NCOR1: variants seen among roughly 807,000 people sequenced by gnomAD.
The protein encoded by NCOR1 is nuclear receptor corepressor 1, also known as protein phosphatase 1, regulatory subunit 109.
NCOR1 carries 63 observed loss-of-function variants against 288.1 expected under a neutral mutation model. The ratio of observed to expected loss-of-function variants is 0.22; its 90% CI spans 0.18 to 0.27. The LOEUF (loss-of-function observed/expected upper bound fraction) is 0.27, where lower values mean the gene tolerates loss of function less well. Ranked by LOEUF, NCOR1 falls within the 10% of genes least tolerant of loss-of-function variation. The pLI, the probability that NCOR1 is intolerant of heterozygous loss-of-function variation, is 1.00. For synonymous variants in NCOR1, 1,007 were observed against 1,065.9 expected, an observed-to-expected ratio of 0.94 and a Z score of 1.08; for missense variants, 2,397 against 3,019.2, an observed-to-expected ratio of 0.79 and a Z score of 4.83.
At chr17:16,080,582 A>G in intron 24 of NCOR1, 25 bp downstream of exon 24, 1 of 1,614,124 alleles carries the variant, frequency 6.2e-7, no homozygotes, top group Non-Finnish European at 8.5e-7. Context: ...ACGTAGATGC[A>G]TTATGACTGT....
At chr17:16,050,519 G>A (rs1286354303) in intron 40 of NCOR1, among the ~76,000 whole-genome samples, 2 of 152,066 alleles carry the variant, frequency 1.3e-5, no homozygotes, top group Non-Finnish European at 2.9e-5. Context: ...CACCACACCC[G>A]GCCCTGCTAA....
At chr17:16,058,820 G>T (rs970804073) in intron 37 of NCOR1, among the ~76,000 whole-genome samples, 2 of 152,046 alleles carry the variant, frequency 1.3e-5, no homozygotes, top group Non-Finnish European at 2.9e-5. Flanking sequence ...GCCGAGGCAG[G>T]TGGATCACCT....
intron 45 of NCOR1, among the ~76,000 whole-genome samples, chr17:16,033,336 C>CA (rs59285422): frequency 0.06 from 3,432 of 56,870 alleles, 57 homozygotes; most frequent in Middle Eastern, 0.093. Flanking sequence ...ACTCCGTCTC[C>CA]AAAAAAAAAA....
chr17:16,071,796 C>T, intron 29 of NCOR1, 131 bp from the exon 30 acceptor site: 4 of 809,408 alleles, frequency 4.9e-6, no homozygotes, highest in Non-Finnish European at 7.6e-6. Flanking sequence ...TAAAATAATG[C>T]CTTGACATCT....
chr17:16,144,287 T>G (rs1482938709), intron 10 of NCOR1, among the ~76,000 whole-genome samples: 2 of 152,218 alleles, frequency 1.3e-5, no homozygotes, highest in Non-Finnish European at 2.9e-5. Flanking sequence ...CTGTTCTTAC[T>G]CACTGTCATG....
intron 14 of NCOR1, among the ~76,000 whole-genome samples, chr17:16,131,035 C>A (rs2075544198): frequency 6.9e-6 from 1 of 144,842 alleles, no homozygotes; most frequent in South Asian, 2.2e-4. Context: ...GTCGCCCAGG[C>A]TGGAGTGCAG....
chr17:16,156,349 T>C (rs1012162149), intron 6 of NCOR1, among the ~76,000 whole-genome samples: 4 of 151,464 alleles, frequency 2.6e-5, no homozygotes, highest in Admixed American at 6.6e-5. Flanking sequence ...GGCAGGAGAA[T>C]TGCTTGAACC....
intron 18 of NCOR1, among the ~76,000 whole-genome samples, chr17:16,116,413 T>C (rs765204914): frequency 6.6e-6 from 1 of 152,242 alleles, no homozygotes; most frequent in African/African-American, 2.4e-5. Flanking sequence ...TCAGAAAATC[T>C]GTAATGAGAA....
At chr17:16,202,559 G>C (rs2090975435) in intron 1 of NCOR1, among the ~76,000 whole-genome samples, 1 of 152,178 alleles carries the variant, frequency 6.6e-6, no homozygotes, top group South Asian at 2.1e-4. Flanking sequence ...CAATGTCTAA[G>C]TGGATATTAC....
In NCOR1 at chr17:16,111,146, T is replaced by C. The variant is rs576552967; in HGVS notation, c.2056-2234A>G. 3.3e-5 allele frequency among the ~76,000 whole-genome samples: 5 copies of C among 152,318 alleles called. No homozygotes were observed. In the South Asian group the frequency reaches 1.0e-3, roughly 32 times the overall value. On this transcript the variant is annotated intron_variant, in intron 18 of 45. Transcript: ENST00000268712. ...ACCACTATCAACCCATTCTGTTTGGTCCTTTCACTAGTAACTAGGGAAGAG... is the reference window on the plus strand; with the variant it reads ...ACCACTATCAACCCATTCTGTTTGGCCCTTTCACTAGTAACTAGGGAAGAG...
At chr17:16,034,686 C>A in intron 45 of NCOR1, 79 bp downstream of exon 45, 1 of 1,279,444 alleles carries the variant, frequency 7.8e-7, no homozygotes, top group South Asian at 1.4e-5. Flanking sequence ...AGAAGAGTTG[C>A]TGAATTTTGA....
At chr17:16,133,724 TA>T (rs1283050232) in intron 14 of NCOR1, among the ~76,000 whole-genome samples, 1 of 152,222 alleles carries the variant, frequency 6.6e-6, no homozygotes, top group East Asian at 1.9e-4. Flanking sequence ...CTTAGACACC[TA>T]ATAGGTATTT....
chr17:16,197,298 G>A (rs899404574), intron 1 of NCOR1, among the ~76,000 whole-genome samples: 1 of 151,708 alleles, frequency 6.6e-6, no homozygotes, highest in Non-Finnish European at 1.5e-5. Flanking sequence ...TCCAGCCTGG[G>A]TGAGGGGTCC....
intron 3 of NCOR1, among the ~76,000 whole-genome samples, chr17:16,178,142 G>T (rs1215609885): frequency 6.6e-6 from 1 of 152,056 alleles, no homozygotes; most frequent in Non-Finnish European, 1.5e-5. Context: ...CCGGGAGGCA[G>T]AGGTGAGCCA....
intron 10 of NCOR1, among the ~76,000 whole-genome samples, chr17:16,143,993 C>CT (rs2077504232): frequency 6.6e-6 from 1 of 152,140 alleles, no homozygotes; most frequent in Non-Finnish European, 1.5e-5. Context: ...AAATGGCATT[C>CT]TTTGTATGCC....
chr17:16,030,819 G>A lies in NCOR1; in HGVS notation c.*1477C>T, dbSNP rs1971854054. On this transcript the variant is annotated 3_prime_UTR_variant, in exon 46 of 46. Transcript: ENST00000268712. The stretch of plus-strand genomic sequence containing the variant: ...AGGGATTAGACACCAGTGATAGGAG[G>A]GTCTTGGTCAGTAGCTAATCACAGA... The A allele has an allele frequency of 5.4e-6, 1 of 183,978 alleles. No homozygotes were observed. Among genetic ancestry groups the A allele is most frequent in the South Asian group, 2.0e-4 (1 of 5,092 alleles). The allele number at this position is 183,978 out of a possible 1,614,324, so 11.4% of individuals were successfully genotyped here. A position where few individuals can be genotyped will look rare whatever the true frequency, so the allele number is the denominator to read the frequency against.
chr17:16,139,378 G>A (rs2076851575), intron 11 of NCOR1, among the ~76,000 whole-genome samples, 192 bp from the exon 12 acceptor site: 2 of 152,158 alleles, frequency 1.3e-5, no homozygotes, highest in African/African-American at 4.8e-5. Context: ...GAATTACAGA[G>A]GCAGAGAATA....
intron 26 of NCOR1, among the ~76,000 whole-genome samples, chr17:16,077,640 AAAGAG>A (rs1373834697): frequency 5.3e-5 from 8 of 151,294 alleles, no homozygotes; most frequent in Non-Finnish European, 1.0e-4. Flanking sequence ...AGGGAAAAGA[AAAGAG>A]AAAAGAAAAG....
chr17:16,144,812 CCTT>C (rs2077638092), intron 10 of NCOR1, among the ~76,000 whole-genome samples: 1 of 151,444 alleles, frequency 6.6e-6, no homozygotes, highest in East Asian at 1.9e-4. Context: ...CTACCTCTCT[CCTT>C]CTCCCGCTTT....
Sources: allele counts gnomAD v4.1 joint callset (sites outside exome capture counted in the v4.1 genomes callset), GRCh38; gene constraint gnomAD v4.1.1; transcripts MANE v1.5; gene names NCBI Gene and HGNC (gene_info 2026-07-23, HGNC 2026-07-21).